The following PCED1B variants were observed in gnomAD, a reference collection of about 807,000 sequenced individuals.
PCED1B encodes the protein PC-esterase domain-containing protein 1B.
For missense variants in PCED1B, 573 were observed against 573.9 expected, an observed-to-expected ratio of 1.00 and a Z score of 0.02; for synonymous variants, 251 against 246.1, an observed-to-expected ratio of 1.02 and a Z score of -0.19.
intron 2 of PCED1B, among the ~76,000 whole-genome samples, chr12:47,132,976 AC>A (rs1940193693): frequency 6.6e-6 from 1 of 152,224 alleles, no homozygotes; most frequent in African/African-American, 2.4e-5. Flanking sequence ...AGTTCAATAT[AC>A]TATTCTACTT....
chr12:47,184,183 G>A (rs758382341), intron 2 of PCED1B, among the ~76,000 whole-genome samples: 10 of 152,090 alleles, frequency 6.6e-5, no homozygotes, highest in Non-Finnish European at 1.0e-4. Context: ...ATTTTCCATT[G>A]TAAATGTATA....
At chr12:47,129,203 T>A (rs1357903027) in intron 2 of PCED1B, among the ~76,000 whole-genome samples, 1 of 152,230 alleles carries the variant, frequency 6.6e-6, no homozygotes, top group African/African-American at 2.4e-5. Flanking sequence ...GAGGGCACAG[T>A]GGCTAACACC....
At chr12:47,232,479 A>T (rs1197555885) in intron 3 of PCED1B, among the ~76,000 whole-genome samples, 1 of 152,270 alleles carries the variant, frequency 6.6e-6, no homozygotes, top group Non-Finnish European at 1.5e-5. Flanking sequence ...GTAATTTAAT[A>T]ATAGCTATCC....
At chr12:47,152,452 A>T (rs1941029714) in intron 2 of PCED1B, among the ~76,000 whole-genome samples, 1 of 152,244 alleles carries the variant, frequency 6.6e-6, no homozygotes. Flanking sequence ...AAGACTCTTC[A>T]TAATATCAAG....
intron 2 of PCED1B, chr12:47,135,502 A>C: frequency 2.1e-6 from 1 of 472,566 alleles, no homozygotes; most frequent in South Asian, 1.7e-5. Context: ...AGAGACTTGG[A>C]AGATCAGCAC....
At chr12:47,200,852 A>G (rs796854096) in intron 2 of PCED1B, among the ~76,000 whole-genome samples, 10 of 152,368 alleles carry the variant, frequency 6.6e-5, no homozygotes, top group African/African-American at 2.4e-4. Flanking sequence ...AATAACAGAC[A>G]TATGCGATGT....
At chr12:47,136,486 A>G (rs1294806607) in intron 2 of PCED1B, among the ~76,000 whole-genome samples, 1 of 152,214 alleles carries the variant, frequency 6.6e-6, no homozygotes, top group Non-Finnish European at 1.5e-5. Context: ...AGCATGATGT[A>G]CCCAAGGGAA....
At chr12:47,115,590 C>T (rs1939384094) in intron 2 of PCED1B, among the ~76,000 whole-genome samples, 1 of 152,218 alleles carries the variant, frequency 6.6e-6, no homozygotes, top group South Asian at 2.1e-4. Flanking sequence ...TCTTCCCCTG[C>T]TTATTCTAGA....
At chr12:47,122,869 A>C (rs1049933805) in intron 2 of PCED1B, among the ~76,000 whole-genome samples, 1 of 152,180 alleles carries the variant, frequency 6.6e-6, no homozygotes, top group African/African-American at 2.4e-5. Flanking sequence ...GTTTTAGAGA[A>C]CTCACTAAAG....
At chr12:47,224,889 C>A (rs1031371118) in intron 3 of PCED1B, among the ~76,000 whole-genome samples, 1 of 152,166 alleles carries the variant, frequency 6.6e-6, no homozygotes, top group Non-Finnish European at 1.5e-5. Context: ...TGATTCGAAT[C>A]AGTTAACAGT....
rs113111572 is a variant in PCED1B at position 47,222,206 on chromosome 12, G to A, written c.-58+5517G>A. 3.1e-4 allele frequency among the ~76,000 whole-genome samples: 46 copies of A among 150,628 alleles called. No homozygotes were observed. The South Asian group carries it at 3.4e-3, about 11-fold the overall frequency. On this transcript the variant is annotated intron_variant, in intron 3 of 3. Transcript: ENST00000546455. ...AGGCCGAGGAGGGTGGATCACCTGA[G>A]GTCAGGAGTTCGAGACCAGCCTGAC...
At chr12:47,202,644 C>T (rs1942801984) in intron 2 of PCED1B, among the ~76,000 whole-genome samples, 1 of 148,124 alleles carries the variant, frequency 6.8e-6, no homozygotes, top group African/African-American at 2.5e-5. Flanking sequence ...AATTGCAACG[C>T]TGCAAAACTG....
At chr12:47,160,545 A>G (rs1210967804) in intron 2 of PCED1B, among the ~76,000 whole-genome samples, 1 of 151,402 alleles carries the variant, frequency 6.6e-6, no homozygotes, top group Admixed American at 6.6e-5. Context: ...GGCTCAAGCA[A>G]TCTTCAATGT....
chr12:47,124,325 A>G (rs1366598317), intron 2 of PCED1B, among the ~76,000 whole-genome samples: 1 of 152,054 alleles, frequency 6.6e-6, no homozygotes, highest in African/African-American at 2.4e-5. Context: ...TTTAAGATTC[A>G]TGCATGTTGT....
chr12:47,192,979 T>G (rs1942492558), intron 2 of PCED1B, among the ~76,000 whole-genome samples: 1 of 152,154 alleles, frequency 6.6e-6, no homozygotes, highest in African/African-American at 2.4e-5. Context: ...CTTATCCCCA[T>G]ATTTGCAAGC....
intron 2 of PCED1B, among the ~76,000 whole-genome samples, chr12:47,154,678 T>C (rs1048802630): frequency 6.6e-6 from 1 of 151,446 alleles, no homozygotes; most frequent in Non-Finnish European, 1.5e-5. Context: ...AACTCTGGAG[T>C]CCCAACTACT....
At chr12:47,107,439 C>T (rs991016694) in intron 2 of PCED1B, among the ~76,000 whole-genome samples, 4 of 152,172 alleles carry the variant, frequency 2.6e-5, no homozygotes, top group African/African-American at 9.7e-5. Context: ...GATGGCAGGC[C>T]GAAGGGCCCA....
intron 2 of PCED1B, among the ~76,000 whole-genome samples, chr12:47,212,166 G>C (rs115043535): frequency 6.6e-6 from 1 of 152,054 alleles, no homozygotes; most frequent in African/African-American, 2.4e-5. Context: ...AGCTACTGGG[G>C]GTAGGTGGGA....
intron 2 of PCED1B, among the ~76,000 whole-genome samples, chr12:47,139,672 A>G (rs572785096): frequency 6.6e-6 from 1 of 152,050 alleles, no homozygotes; most frequent in Non-Finnish European, 1.5e-5. Flanking sequence ...TGTGTAGTGC[A>G]TGTGTGGCAA....
Sources: allele counts gnomAD v4.1 joint callset (sites outside exome capture counted in the v4.1 genomes callset), GRCh38; gene constraint gnomAD v4.1.1; transcripts MANE v1.5; gene names NCBI Gene and HGNC (gene_info 2026-07-23, HGNC 2026-07-21).